The following PDE10A variants were observed in gnomAD, a reference collection of about 807,000 sequenced individuals.
PDE10A encodes the protein phosphodiesterase 10A.
A neutral mutation model predicts 97.7 loss-of-function variants in PDE10A; 39 were observed. That is an observed-to-expected ratio of 0.40 (90% confidence interval 0.31 to 0.52). The LOEUF (loss-of-function observed/expected upper bound fraction) is 0.52. Among genes scored for constraint, PDE10A ranks in the 20% least tolerant of loss-of-function variants. The pLI, the probability that PDE10A is intolerant of heterozygous loss-of-function variation, is 0.56. For missense variants in PDE10A, 731 were observed against 1,047.8 expected (o/e 0.70, Z 4.17); for synonymous variants, 371 against 376.8 (o/e 0.98, Z 0.18).
intron 3 of PDE10A, among the ~76,000 whole-genome samples, chr6:165,469,467 G>A (rs954630145): frequency 2.0e-5 from 3 of 152,186 alleles, no homozygotes; most frequent in African/African-American, 7.2e-5. Context: ...AAGAAATTTA[G>A]CTTAAAACAA....
At chr6:165,455,045 G>T (rs775974023) in intron 3 of PDE10A, among the ~76,000 whole-genome samples, 1 of 152,056 alleles carries the variant, frequency 6.6e-6, no homozygotes, top group Admixed American at 6.5e-5. Context: ...CAAAGAGGTC[G>T]GCAGCCATTT....
chr6:165,834,390 G>C (rs1289680686), intron 1 of PDE10A, among the ~76,000 whole-genome samples: 1 of 152,254 alleles, frequency 6.6e-6, no homozygotes, highest in East Asian at 1.9e-4. Flanking sequence ...AGTCTGTGCA[G>C]CCTGGGGGTG....
intron 1 of PDE10A, among the ~76,000 whole-genome samples, chr6:165,736,492 C>T (rs371432933): frequency 1.2e-4 from 19 of 152,292 alleles, no homozygotes; most frequent in East Asian, 1.2e-3. Context: ...TGGACCCCAG[C>T]GCCAGGCTCA....
intron 1 of PDE10A, among the ~76,000 whole-genome samples, chr6:165,766,720 C>T (rs1777860217): frequency 6.6e-6 from 1 of 152,164 alleles, no homozygotes; most frequent in Non-Finnish European, 1.5e-5. Context: ...AGTGATTCAA[C>T]CTCTCCTTCC....
chr6:165,765,647 G>C (rs542165323), intron 1 of PDE10A, among the ~76,000 whole-genome samples: 1 of 152,294 alleles, frequency 6.6e-6, no homozygotes, highest in East Asian at 1.9e-4. Context: ...ATGCAGCCCC[G>C]GTTCCTGCTC....
chr6:165,821,012 T>C (rs1014361626), intron 1 of PDE10A, among the ~76,000 whole-genome samples: 15 of 152,242 alleles, frequency 9.9e-5, no homozygotes, highest in Non-Finnish European at 1.3e-4. Context: ...TCTTTCTCTC[T>C]TCCTCAGAAA....
chr6:165,849,240 A>G (rs1237153376), intron 1 of PDE10A, among the ~76,000 whole-genome samples: 1 of 152,144 alleles, frequency 6.6e-6, no homozygotes, highest in Non-Finnish European at 1.5e-5. Context: ...TAAAAAGATA[A>G]CACATTCGGA....
intron 2 of PDE10A, among the ~76,000 whole-genome samples, chr6:165,515,944 T>G (rs1781779212): frequency 6.6e-6 from 1 of 152,106 alleles, no homozygotes; most frequent in South Asian, 2.1e-4. Flanking sequence ...AACTGACCTA[T>G]CAGAAGATTC....
intron 1 of PDE10A, among the ~76,000 whole-genome samples, chr6:165,716,200 G>A (rs1792022340): frequency 6.6e-6 from 1 of 152,158 alleles, no homozygotes; most frequent in South Asian, 2.1e-4. Flanking sequence ...GGAGCTCTGG[G>A]TTCCGAGTCT....
At chr6:165,505,487 G>A (rs1036223415) in intron 2 of PDE10A, among the ~76,000 whole-genome samples, 1 of 152,068 alleles carries the variant, frequency 6.6e-6, no homozygotes, top group African/African-American at 2.4e-5. Context: ...GATGATGAGA[G>A]CCAAAATATT....
chr6:165,985,673 C>A (rs1011907336), intron 1 of PDE10A, among the ~76,000 whole-genome samples: 3 of 152,162 alleles, frequency 2.0e-5, no homozygotes, highest in Admixed American at 6.5e-5. Context: ...GGGATCTCAC[C>A]GGCACCCCTG....
chr6:165,627,871 C>A (rs1453268454), intron 1 of PDE10A, among the ~76,000 whole-genome samples: 2 of 152,186 alleles, frequency 1.3e-5, no homozygotes, highest in African/African-American at 4.8e-5. Context: ...ATCTGAGAAG[C>A]CGCATTACCT....
At chr6:165,543,621 A>G (rs1393678684) in intron 1 of PDE10A, 53 bp from the exon 2 acceptor site, 3 of 1,408,652 alleles carry the variant, frequency 2.1e-6, no homozygotes, top group South Asian at 1.2e-5. Context: ...CCTCATATCA[A>G]TGAAAGGTAT....
chr6:165,824,690 G>T (rs1343384451), intron 1 of PDE10A, among the ~76,000 whole-genome samples: 3 of 152,006 alleles, frequency 2.0e-5, no homozygotes, highest in Non-Finnish European at 4.4e-5. Flanking sequence ...GTGCCATCTT[G>T]GTGTTTGTTG....
intron 1 of PDE10A, among the ~76,000 whole-genome samples, chr6:165,859,829 C>G (rs1171704735): frequency 6.6e-6 from 1 of 151,860 alleles, no homozygotes; most frequent in Non-Finnish European, 1.5e-5. Context: ...AAGAATATAT[C>G]ATATATATAT....
intron 13 of PDE10A, among the ~76,000 whole-genome samples, chr6:165,410,864 G>A (rs988668902): frequency 6.8e-6 from 1 of 146,414 alleles, no homozygotes; most frequent in African/African-American, 2.6e-5. Flanking sequence ...CGAGGCGGGC[G>A]GATCACGAGG....
At chr6:165,593,479 C>A (rs1177731261) in intron 1 of PDE10A, among the ~76,000 whole-genome samples, 1 of 151,956 alleles carries the variant, frequency 6.6e-6, no homozygotes, top group Admixed American at 6.6e-5. Context: ...TCCTGGCTAA[C>A]AAAGTTGATG....
chr6:165,973,461 A>G (rs1451905923), intron 1 of PDE10A, among the ~76,000 whole-genome samples: 1 of 152,132 alleles, frequency 6.6e-6, no homozygotes, highest in Admixed American at 6.5e-5. Flanking sequence ...GAGGTCTCTT[A>G]GGATCCCTGC....
intron 1 of PDE10A, among the ~76,000 whole-genome samples, chr6:165,963,328 A>G (rs944967986): frequency 3.9e-4 from 59 of 152,356 alleles, no homozygotes; most frequent in African/African-American, 1.3e-3. Flanking sequence ...ACAGTTTTCA[A>G]AACCTCTTTT....
Sources: gnomAD v4.1 joint callset for allele counts (sites outside exome capture counted in the v4.1 genomes callset) on GRCh38, gnomAD v4.1.1 for gene constraint, MANE v1.5 for transcripts, NCBI Gene and HGNC (gene_info 2026-07-23, HGNC 2026-07-21) for gene names.